CDH8: variants seen among roughly 807,000 people sequenced by gnomAD.
The protein encoded by CDH8 is cadherin-8.
In CDH8, 17 loss-of-function variants were observed where a neutral mutation model predicts 68.1. The ratio of observed to expected loss-of-function variants is 0.25; its 90% CI spans 0.17 to 0.37. The LOEUF (loss-of-function observed/expected upper bound fraction) is 0.37, where lower values mean the gene tolerates loss of function less well. CDH8 is among the 10% of genes least tolerant of loss of function. The pLI is 1.00. For missense variants in CDH8, 763 were observed against 999.3 expected (o/e 0.76, Z 3.19); for synonymous variants, 372 against 365.1 (o/e 1.02, Z -0.21).
chr16:61,918,444 G>C (rs1163648563), intron 2 of CDH8: 2 of 153,740 alleles, frequency 1.3e-5, no homozygotes, highest in Non-Finnish European at 2.9e-5. Context: ...GTGGGCGCAG[G>C]TCAGTGGGTG....
intron 10 of CDH8, among the ~76,000 whole-genome samples, chr16:61,705,747 GAA>G (rs1302463252): frequency 6.8e-6 from 1 of 147,492 alleles, no homozygotes; most frequent in African/African-American, 2.6e-5. Flanking sequence ...GGTTAAGGAG[GAA>G]ACTTTGTTTG....
chr16:61,703,279 T>C (rs1171055381), intron 10 of CDH8, among the ~76,000 whole-genome samples: 1 of 152,114 alleles, frequency 6.6e-6, no homozygotes, highest in Non-Finnish European at 1.5e-5. Context: ...TATAGGGAGA[T>C]AGTTTTTTCT....
In CDH8 at chr16:61,649,439, T is replaced by C. The variant is rs1400921522; in HGVS notation, c.*4169A>G. 6.6e-6 allele frequency: 1 copy of C among 151,012 alleles called. No individual in the cohort carries two copies. Among genetic ancestry groups the C allele is most frequent in the Non-Finnish European group, 1.5e-5 (1 of 67,728 alleles). The allele number at this position is 151,012 out of a possible 1,614,324, so 9.4% of individuals were successfully genotyped here. A position where few individuals can be genotyped will look rare whatever the true frequency, so the allele number is the denominator to read the frequency against. On this transcript the variant is annotated 3_prime_UTR_variant, in exon 12 of 12. Transcript: ENST00000577390. ...ATATTTATATATATGAATATATTTA[T>C]AAATATATGTATAAGGATATATATA... is the stretch of plus-strand genomic sequence containing the variant.
At chr16:62,002,225 C>T (rs1965904809) in intron 2 of CDH8, among the ~76,000 whole-genome samples, 1 of 151,992 alleles carries the variant, frequency 6.6e-6, no homozygotes, top group South Asian at 2.1e-4. Context: ...CTGTAGAATG[C>T]AATATTAGTT....
intron 8 of CDH8, among the ~76,000 whole-genome samples, chr16:61,783,850 A>C (rs1176022394): frequency 2.0e-5 from 3 of 152,170 alleles, no homozygotes; most frequent in African/African-American, 7.2e-5. Flanking sequence ...TTCATAAGTG[A>C]AGGAGAAATA....
intron 2 of CDH8, among the ~76,000 whole-genome samples, chr16:61,946,576 G>A (rs1374991974): frequency 1.3e-5 from 2 of 152,164 alleles, no homozygotes; most frequent in Admixed American, 1.3e-4. Context: ...TCTCCTTTGA[G>A]GTAGGCAATA....
intron 7 of CDH8, among the ~76,000 whole-genome samples, chr16:61,790,354 C>T (rs968418130): frequency 6.6e-6 from 1 of 151,876 alleles, no homozygotes; most frequent in African/African-American, 2.4e-5. Context: ...GATTCATTTC[C>T]TGGCTATGGA....
chr16:61,823,388 A>C (rs1962259986), intron 5 of CDH8, among the ~76,000 whole-genome samples: 1 of 151,848 alleles, frequency 6.6e-6, no homozygotes, highest in Admixed American at 6.6e-5. Flanking sequence ...GCATGCATCT[A>C]ATCTTTCATG....
At chr16:61,812,221 T>A (rs1165305831) in intron 7 of CDH8, among the ~76,000 whole-genome samples, 1 of 152,168 alleles carries the variant, frequency 6.6e-6, no homozygotes. Context: ...TCCTTAGATA[T>A]CATGAATCTA....
chr16:61,761,486 G>T (rs1355980341), intron 8 of CDH8, among the ~76,000 whole-genome samples: 1 of 152,144 alleles, frequency 6.6e-6, no homozygotes, highest in Non-Finnish European at 1.5e-5. Context: ...GATCCTTTGA[G>T]TTGCAAACAA....
chr16:61,818,694 C>CTTGAT (rs1962138402), intron 6 of CDH8, among the ~76,000 whole-genome samples: 1 of 152,292 alleles, frequency 6.6e-6, no homozygotes, highest in South Asian at 2.1e-4. Context: ...ACTCATAATA[C>CTTGAT]TTCAGATTTC....
In CDH8 at chr16:61,655,644, T is replaced by C. The variant is rs1963428342; in HGVS notation, c.1732A>G (p.Ile578Val). The C allele has an allele frequency of 8.7e-6, 14 of 1,614,042 alleles. No individual in the cohort carries two copies. In the East Asian group the frequency reaches 1.3e-4, roughly 15 times the overall value. The change falls in exon 11 of 12, where the codon ATC (isoleucine) becomes GTC (valine). Residue 578 changes from isoleucine to valine, a missense_variant. Ile to Val is a conservative substitution (Grantham distance 29). Coordinates refer to ENST00000577390, the MANE Select transcript of CDH8 (RefSeq NM_001796.5). ...KQEVYLLPII[I>V]SDSGNPPLSS... ...AGTGGAGGATTTCCACTATCACTGA[T>C]TATGATTGGTAAAAGATAGACTTCT... is the stretch of plus-strand genomic sequence containing the variant.
intron 2 of CDH8, among the ~76,000 whole-genome samples, chr16:61,902,688 C>T (rs1454749978): frequency 6.6e-5 from 10 of 151,530 alleles, no homozygotes; most frequent in Admixed American, 1.3e-4. Context: ...CGTTCTTCAA[C>T]AATTTAAATT....
intron 3 of CDH8, among the ~76,000 whole-genome samples, chr16:61,863,893 C>G (rs1428493371): frequency 1.3e-5 from 2 of 152,128 alleles, no homozygotes; most frequent in East Asian, 3.9e-4. Context: ...TTCATGCATC[C>G]CAAAGATCAC....
intron 3 of CDH8, among the ~76,000 whole-genome samples, chr16:61,869,183 C>T (rs926884818): frequency 6.6e-6 from 1 of 152,124 alleles, no homozygotes. Flanking sequence ...ATATGTTTCT[C>T]AATTGCTGAA....
chr16:61,948,288 G>A (rs1567540172), intron 2 of CDH8, among the ~76,000 whole-genome samples: 1 of 152,108 alleles, frequency 6.6e-6, no homozygotes. Context: ...TCTAATCATT[G>A]TCGGGTATAT....
intron 2 of CDH8, among the ~76,000 whole-genome samples, chr16:61,915,345 T>A (rs989235213): frequency 6.6e-6 from 1 of 152,210 alleles, no homozygotes. Flanking sequence ...TGTCTATTAT[T>A]TCATTTAATT....
intron 8 of CDH8, among the ~76,000 whole-genome samples, chr16:61,768,321 T>C (rs1197744377): frequency 3.4e-5 from 2 of 58,750 alleles, no homozygotes; most frequent in African/African-American, 1.7e-4. Flanking sequence ...CCTTTCTCTC[T>C]CTCTCTCTCT....
At chr16:61,808,096 C>G (rs919170638) in intron 7 of CDH8, among the ~76,000 whole-genome samples, 7 of 152,216 alleles carry the variant, frequency 4.6e-5, no homozygotes, top group South Asian at 2.1e-4. Context: ...TTTTTCATAT[C>G]CTTTGCTGAA....
Sources: allele counts gnomAD v4.1 joint callset (sites outside exome capture counted in the v4.1 genomes callset), GRCh38; gene constraint gnomAD v4.1.1; transcripts MANE v1.5; gene names NCBI Gene and HGNC (gene_info 2026-07-23, HGNC 2026-07-21).